Variants in DDOST observed in about 807,000 individuals in gnomAD.
DDOST encodes dolichyl-diphosphooligosaccharide--protein glycosyltransferase 48 kDa subunit.
In DDOST, 25 loss-of-function variants were observed where a neutral mutation model predicts 47.6. The observed-to-expected ratio is 0.53, with a 90% CI of 0.38 to 0.73. The LOEUF is 0.73. Ranked by LOEUF, DDOST falls within the 30% of genes least tolerant of loss-of-function variation. The probability of loss-of-function intolerance (pLI) is 0.00; values close to 1 mark genes in which losing one functional copy is unlikely to be tolerated. For synonymous variants in DDOST, 275 were observed against 236.0 expected (o/e 1.17, Z -1.51); for missense variants, 526 against 573.9 (o/e 0.92, Z 0.85).
Position 20,656,156 on chromosome 1 carries a change from G to A in DDOST, c.297C>T (p.Ile99=), listed in dbSNP as rs775911721. 3 of 1,614,162 alleles carry A rather than the reference G, an allele frequency of 1.9e-6. No homozygotes were observed. The highest frequency in any genetic ancestry group is 2.5e-6 in the Non-Finnish European group (3 of 1,180,004). Residue 99 remains isoleucine (I), a synonymous_variant, in exon 3 of 11, where the codon ATC becomes ATT. Coordinates refer to ENST00000602624, the MANE Select transcript of DDOST (RefSeq NM_005216.5). ...TGCCTCCGCCGTCAATAAAGGCACT[G>A]ATGGTCTCCACGTTGATGTTGCCTC... ...DFGGNINVET[I]SAFIDGGGSV... is the part of the protein sequence containing the mutation.
At chr1:20,653,948 T>C (rs990445767) in intron 7 of DDOST, among the ~76,000 whole-genome samples, 174 bp from the exon 8 acceptor site, 6 of 152,182 alleles carry the variant, frequency 3.9e-5, no homozygotes, top group African/African-American at 1.2e-4. Context: ...CGAAAAGATA[T>C]GGCTGGTTGC....
chr1:20,652,251 T>G lies in DDOST; in HGVS notation c.*128A>C. The G allele has an allele frequency of 2.1e-6, 2 of 930,648 alleles. No homozygotes were observed. Among genetic ancestry groups the G allele is most frequent in the Non-Finnish European group, 3.1e-6 (2 of 652,228 alleles). 57.6% of individuals were successfully genotyped at this position (930,648 alleles called of 1,614,324 possible). On this transcript the variant is annotated 3_prime_UTR_variant, in exon 11 of 11. Coordinates refer to ENST00000602624, the MANE Select transcript of DDOST (RefSeq NM_005216.5). ...ACTCCCACCCCTTGGCTCTCAGTGTTGCATCTCCCACAGAGGTAAAGTTGT... is the reference window on the plus strand; with the variant it reads ...ACTCCCACCCCTTGGCTCTCAGTGTGGCATCTCCCACAGAGGTAAAGTTGT...
chr1:20,654,816 C>A, intron 5 of DDOST, 109 bp from the exon 6 acceptor site: 1 of 723,804 alleles, frequency 1.4e-6, no homozygotes, highest in Non-Finnish European at 2.4e-6. Context: ...TTCTTAATTG[C>A]CAACCACTTA....
At position 20,655,162 on chromosome 1, in the gene DDOST, C is replaced by A. The variant is rs376173707; in HGVS notation, c.551+278G>T. Among the ~76,000 whole-genome samples, 896 of 86,930 alleles carry A rather than the reference C, an allele frequency of 0.01. 17 individuals are homozygous for A. The highest frequency in any genetic ancestry group is 0.035 in the African/African-American group (839 of 23,826). The allele number at this position is 86,930 out of a possible 152,430, so 57.0% of individuals were successfully genotyped here. Reference sequence around the variant, plus strand: ...GGTGTGAGCCACTGCGCTCGGCCAACTTTTTTTTGTTTTTTTTTTTTTTTT... The same window carrying A: ...GGTGTGAGCCACTGCGCTCGGCCAAATTTTTTTTGTTTTTTTTTTTTTTTT... On this transcript the variant is annotated intron_variant, in intron 5 of 10. Transcript: ENST00000602624.
intron 5 of DDOST, 95 bp downstream of exon 5, chr1:20,655,345 T>C: frequency 1.1e-6 from 1 of 890,928 alleles, no homozygotes; most frequent in Non-Finnish European, 1.8e-6. Context: ...TACGTACCCT[T>C]AAAGAATTAC....
intron 5 of DDOST, 96 bp from the exon 6 acceptor site, chr1:20,654,803 T>C: frequency 1.3e-6 from 1 of 770,862 alleles, no homozygotes; most frequent in Non-Finnish European, 2.2e-6. Flanking sequence ...AATGAATCCT[T>C]TTTTCTTAAT....
rs869053335 is a variant in DDOST at position 20,655,171 on chromosome 1, G to GTT, written c.551+267_551+268dup. On this transcript the variant is annotated intron_variant, in intron 5 of 10. Transcript: ENST00000602624. ...CACTGCGCTCGGCCAACTTTTTTTT[G>GTT]TTTTTTTTTTTTTTTTTTTTTTTTA... Among the ~76,000 whole-genome samples, 13,882 of 74,818 alleles carry GTT rather than the reference G, an allele frequency of 0.19. 961 individuals carry two copies. Among genetic ancestry groups the GTT allele is most frequent in the East Asian group, 0.47 (1,280 of 2,736 alleles). 49.1% of individuals were successfully genotyped at this position (74,818 alleles called of 152,430 possible).
At chr1:20,660,791 G>C (rs1357256540) in intron 2 of DDOST, 90 bp downstream of exon 2, 3 of 760,882 alleles carry the variant, frequency 3.9e-6, no homozygotes, top group Non-Finnish European at 6.8e-6. Flanking sequence ...CCCATCCTGT[G>C]ACCCAGGACA....
At chr1:20,659,063 G>A (rs2053407690) in intron 2 of DDOST, among the ~76,000 whole-genome samples, 1 of 151,450 alleles carries the variant, frequency 6.6e-6, no homozygotes, top group Non-Finnish European at 1.5e-5. Context: ...TCACTATGTT[G>A]CCCAGGCTAG....
In DDOST at chr1:20,652,524, GA is replaced by G; in HGVS notation, c.1174del (p.Ser392ProfsTer27). On this transcript the variant is annotated frameshift_variant, in exon 11 of 11. Coordinates refer to ENST00000602624, the MANE Select transcript of DDOST (RefSeq NM_005216.5). LOFTEE classifies it high-confidence loss of function. ...CTGCGTGTGCTGGAGTGGCCGCACG[GA>G]TACCTGCAGGAGGACAGAGGTGGCA... ...YTHLYSSTQV[S>X]VRPLQHTQYE... The G allele has an allele frequency of 6.2e-7, 1 of 1,614,012 alleles. No homozygotes were observed. The highest frequency in any genetic ancestry group is 8.5e-7 in the Non-Finnish European group (1 of 1,179,982).
rs573385813 is a variant in DDOST at position 20,654,357 on chromosome 1, C to T, written c.660G>A (p.Val220=). Residue 220 remains valine, a synonymous_variant, in exon 7 of 11, where the codon GTG becomes GTA. Coordinates refer to ENST00000602624, the MANE Select transcript of DDOST (RefSeq NM_005216.5). ...CAGCAATGAGGAGGGTGTTCTTCCC[C>T]ACCGCATGTGGATACTGGGAACAAA... The part of the protein sequence containing the change: ...DKPITQYPHA[V]GKNTLLIAGL... 3 of 1,560,034 alleles carry T rather than the reference C, an allele frequency of 1.9e-6. No individual in the cohort carries two copies. Among genetic ancestry groups the T allele is most frequent in the Admixed American group, 1.9e-5 (1 of 52,502 alleles).
chr1:20,656,141 G>A lies in DDOST; in HGVS notation c.312C>T (p.Asp104=), dbSNP rs779016309. 18 of 1,613,998 alleles carry A rather than the reference G, an allele frequency of 1.1e-5. No individual in the cohort carries two copies. In the Admixed American group the frequency reaches 1.2e-4, roughly 10 times the overall value. ...INVETISAFI[D]GGGSVLVAAS... is the part of the protein sequence containing the mutation. ...CAGCTACCAGCACACTGCCTCCGCCGTCAATAAAGGCACTGATGGTCTCCA... is the reference window on the plus strand; with the variant it reads ...CAGCTACCAGCACACTGCCTCCGCCATCAATAAAGGCACTGATGGTCTCCA... The change falls in exon 3 of 11, where the codon GAC becomes GAT. Residue 104 remains aspartate, a synonymous_variant. Coordinates refer to ENST00000602624, the MANE Select transcript of DDOST (RefSeq NM_005216.5).
chr1:20,657,743 G>A (rs1035805999), intron 2 of DDOST, among the ~76,000 whole-genome samples: 2 of 152,168 alleles, frequency 1.3e-5, no homozygotes, highest in Non-Finnish European at 2.9e-5. Context: ...CGCCTTACCT[G>A]ACTGACTTTC....
chr1:20,656,211 T>A, intron 2 of DDOST, 24 bp from the exon 3 acceptor site: 1 of 1,596,912 alleles, frequency 6.3e-7, no homozygotes, highest in Non-Finnish European at 8.6e-7. Flanking sequence ...CCAGACACAG[T>A]GACCCAGAGG....
chr1:20,658,057 G>A (rs1172603362), intron 2 of DDOST, among the ~76,000 whole-genome samples: 2 of 152,212 alleles, frequency 1.3e-5, no homozygotes, highest in Admixed American at 6.5e-5. Context: ...AGTCTGAAAC[G>A]TCAAGAATGC....
chr1:20,652,812 C>T (rs2053310652), intron 9 of DDOST, 39 bp downstream of exon 9: 1 of 1,565,302 alleles, frequency 6.4e-7, no homozygotes, highest in African/African-American at 1.5e-5. Flanking sequence ...AGGCCTGGGG[C>T]CGTTTCTGGC....
chr1:20,660,607 T>TA (rs1322391424), intron 2 of DDOST: 3 of 299,192 alleles, frequency 1.0e-5, no homozygotes, highest in Non-Finnish European at 1.9e-5. Context: ...TCAGGCCCTT[T>TA]ACAGAGTAAA....
chr1:20,653,210 C>T (rs1472045413), intron 8 of DDOST: 3 of 583,256 alleles, frequency 5.1e-6, no homozygotes, highest in African/African-American at 1.9e-5. Context: ...TTCCTTCACA[C>T]AGTATTCATG....
At chr1:20,653,911 A>G (rs1322284268) in intron 7 of DDOST, 137 bp from the exon 8 acceptor site, 2 of 1,030,630 alleles carry the variant, frequency 1.9e-6, no homozygotes, top group East Asian at 2.6e-5. Flanking sequence ...CTAGGGACTC[A>G]TGGTTAAAGG....
Sources: allele counts gnomAD v4.1 joint callset (sites outside exome capture counted in the v4.1 genomes callset), GRCh38; gene constraint gnomAD v4.1.1; transcripts MANE v1.5; gene names NCBI Gene and HGNC (gene_info 2026-07-23, HGNC 2026-07-21).